Variants in SGIP1 observed in about 807,000 individuals in gnomAD.
SGIP1 encodes the protein SH3GL interacting endocytic adaptor 1.
A neutral mutation model predicts 107.5 loss-of-function variants in SGIP1; 38 were observed. The observed-to-expected ratio is 0.35, with a 90% confidence interval of 0.27 to 0.46. The LOEUF is 0.46. Among genes scored for constraint, SGIP1 ranks in the 20% least tolerant of loss-of-function variants. The pLI is 1.00. For synonymous variants in SGIP1, 365 were observed against 366.1 expected (o/e 1.00, Z 0.03); for missense variants, 929 against 1,019.5 (o/e 0.91, Z 1.21).
At chr1:66,598,751 G>A (rs533084731) in intron 1 of SGIP1, among the ~76,000 whole-genome samples, 1 of 152,254 alleles carries the variant, frequency 6.6e-6, no homozygotes, top group South Asian at 2.1e-4. Flanking sequence ...CCGAAGAGAT[G>A]GTGCTAAACC....
At chr1:66,666,146 G>T (rs1222921876) in intron 8 of SGIP1, 2 of 152,142 alleles carry the variant, frequency 1.3e-5, no homozygotes, top group Admixed American at 6.5e-5. Flanking sequence ...ATTAATTTTT[G>T]TATAAGGTGT....
intron 1 of SGIP1, among the ~76,000 whole-genome samples, chr1:66,598,402 A>T (rs897186893): frequency 1.3e-5 from 2 of 152,212 alleles, no homozygotes; most frequent in South Asian, 2.1e-4. Flanking sequence ...TTCCCAGGAA[A>T]ACGAAGTGAA....
intron 1 of SGIP1, among the ~76,000 whole-genome samples, chr1:66,557,246 T>C (rs2058320134): frequency 1.3e-5 from 2 of 152,150 alleles, no homozygotes. Flanking sequence ...GTGAAATAGC[T>C]TTAGATTTTT....
chr1:66,701,021 T>C (rs1465729547), intron 18 of SGIP1, among the ~76,000 whole-genome samples: 1 of 152,230 alleles, frequency 6.6e-6, no homozygotes, highest in Non-Finnish European at 1.5e-5. Context: ...AAATAAACGC[T>C]TGGGCATTTT....
intron 1 of SGIP1, among the ~76,000 whole-genome samples, chr1:66,565,471 G>A (rs553633481): frequency 6.6e-6 from 1 of 152,006 alleles, no homozygotes; most frequent in Non-Finnish European, 1.5e-5. Flanking sequence ...GGCATAAAAA[G>A]GATAAACCAA....
intron 1 of SGIP1, among the ~76,000 whole-genome samples, chr1:66,607,879 TAGATCAGACAGAAC>T (rs2067159943): frequency 6.6e-6 from 1 of 152,172 alleles, no homozygotes; most frequent in Non-Finnish European, 1.5e-5. Flanking sequence ...GAAAACTGAG[TAGATCAGACAGAAC>T]AGACCAGATA....
chr1:66,550,838 C>T (rs1294550509), intron 1 of SGIP1, among the ~76,000 whole-genome samples: 1 of 152,054 alleles, frequency 6.6e-6, no homozygotes, highest in African/African-American at 2.4e-5. Context: ...AGATCAGGCA[C>T]ATTCAAGGTG....
intron 18 of SGIP1, among the ~76,000 whole-genome samples, chr1:66,696,851 G>A (rs1370506041): frequency 6.6e-6 from 1 of 152,214 alleles, no homozygotes; most frequent in Admixed American, 6.5e-5. Flanking sequence ...CTTTGAATTA[G>A]ATGAAATTAG....
chr1:66,585,882 T>A (rs1049877567), intron 1 of SGIP1, among the ~76,000 whole-genome samples: 2 of 152,170 alleles, frequency 1.3e-5, no homozygotes, highest in African/African-American at 4.8e-5. Context: ...TTTAATACTG[T>A]CTCCAAGTGC....
chr1:66,563,706 C>A (rs563996009), intron 1 of SGIP1, among the ~76,000 whole-genome samples: 7 of 151,944 alleles, frequency 4.6e-5, no homozygotes, highest in East Asian at 1.9e-4. Context: ...TCCCCCACCC[C>A]CCTCCACCCA....
chr1:66,689,539 A>G (rs920690605), intron 16 of SGIP1, among the ~76,000 whole-genome samples: 1 of 152,238 alleles, frequency 6.6e-6, no homozygotes, highest in African/African-American at 2.4e-5. Context: ...TGACGATAGT[A>G]ACATTCATAG....
chr1:66,583,639 T>C (rs894737722), intron 1 of SGIP1, among the ~76,000 whole-genome samples: 1 of 152,152 alleles, frequency 6.6e-6, no homozygotes, highest in Non-Finnish European at 1.5e-5. Flanking sequence ...GTGCTTCATT[T>C]TACATCCTTG....
At chr1:66,585,135 G>A (rs1456326805) in intron 1 of SGIP1, among the ~76,000 whole-genome samples, 1 of 152,082 alleles carries the variant, frequency 6.6e-6, no homozygotes. Flanking sequence ...CTTTACCTCT[G>A]GTCACAGGAT....
intron 1 of SGIP1, among the ~76,000 whole-genome samples, chr1:66,603,594 TAA>T (rs1164334023): frequency 6.6e-6 from 1 of 152,132 alleles, no homozygotes; most frequent in Non-Finnish European, 1.5e-5. Context: ...GGAAACACAT[TAA>T]GAGCTATGAA....
Position 66,750,680 on chromosome 1 carries a change from C to CT in SGIP1, c.*7591dup, listed in dbSNP as rs2094611087. On this transcript the variant is annotated 3_prime_UTR_variant, in exon 25 of 25. Transcript: ENST00000371037. ...TACACGTCTATTTCAAAAGAGTATACTTTTTTCTGACAGCCATTACTGCTT... is the reference window on the plus strand; with the variant it reads ...TACACGTCTATTTCAAAAGAGTATACTTTTTTTCTGACAGCCATTACTGCTT... Among the ~76,000 whole-genome samples the CT allele has an allele frequency of 6.6e-6, 1 of 152,144 alleles. No homozygotes were observed. Among genetic ancestry groups the CT allele is most frequent in the Non-Finnish European group, 1.5e-5 (1 of 68,028 alleles).
chr1:66,567,470 G>C (rs921109137), intron 1 of SGIP1, among the ~76,000 whole-genome samples: 2 of 152,086 alleles, frequency 1.3e-5, no homozygotes, highest in African/African-American at 4.8e-5. Context: ...TCACTCTGAT[G>C]ATAGTTTCTT....
intron 19 of SGIP1, among the ~76,000 whole-genome samples, chr1:66,725,497 C>G (rs2483705): frequency 0.38 from 58,183 of 152,040 alleles, 11,886 homozygotes; most frequent in Non-Finnish European, 0.44. Context: ...CAAGAGTCAG[C>G]TGTGGAGACA....
chr1:66,723,742 G>T (rs781655536), intron 19 of SGIP1, among the ~76,000 whole-genome samples: 6 of 152,148 alleles, frequency 3.9e-5, no homozygotes, highest in Non-Finnish European at 8.8e-5. Context: ...ATAAATGTAT[G>T]AATTTATTTT....
chr1:66,647,179 T>C (rs1043904190), intron 7 of SGIP1, among the ~76,000 whole-genome samples: 7 of 152,212 alleles, frequency 4.6e-5, no homozygotes, highest in Non-Finnish European at 1.0e-4. Flanking sequence ...ACTCCAGTGG[T>C]CATTCAGAAA....
Sources: gnomAD v4.1 joint callset for allele counts (sites outside exome capture counted in the v4.1 genomes callset) on GRCh38, gnomAD v4.1.1 for gene constraint, MANE v1.5 for transcripts, NCBI Gene and HGNC (gene_info 2026-07-23, HGNC 2026-07-21) for gene names.